ARHGAP24: variants seen among roughly 807,000 people sequenced by gnomAD.
ARHGAP24 encodes Rho GTPase activating protein 24, also known as rho GTPase-activating protein 24.
ARHGAP24 carries 50 observed loss-of-function variants against 76.4 expected under a neutral mutation model. The observed-to-expected ratio is 0.65, with a 90% CI of 0.52 to 0.83. The LOEUF is 0.83. Among genes scored for constraint, ARHGAP24 ranks in the 40% least tolerant of loss-of-function variants. ARHGAP24 has a pLI of 0.00. For missense variants in ARHGAP24, 930 were observed against 914.2 expected, an observed-to-expected ratio of 1.02 and a Z score of -0.22; for synonymous variants, 345 against 323.3, an observed-to-expected ratio of 1.07 and a Z score of -0.72.
intron 2 of ARHGAP24, among the ~76,000 whole-genome samples, chr4:85,699,800 A>G (rs1370453041): frequency 6.6e-6 from 1 of 152,134 alleles, no homozygotes; most frequent in Non-Finnish European, 1.5e-5. Context: ...TCTGTCTCCC[A>G]TTAAGTATAC....
intron 5 of ARHGAP24, 96 bp downstream of exon 5, chr4:85,942,369 G>C: frequency 1.5e-6 from 2 of 1,363,998 alleles, no homozygotes; most frequent in Admixed American, 3.5e-5. Context: ...TGATTGATGT[G>C]GTAACAGTTT....
intron 2 of ARHGAP24, among the ~76,000 whole-genome samples, chr4:85,668,637 A>G (rs1293237951): frequency 6.6e-6 from 1 of 152,164 alleles, no homozygotes; most frequent in South Asian, 2.1e-4. Context: ...TGTCCTTGCA[A>G]AGAGCCTGGC....
chr4:85,612,374 G>GTGAGCCTCAC (rs1560552518), intron 2 of ARHGAP24, among the ~76,000 whole-genome samples: 1 of 145,762 alleles, frequency 6.9e-6, no homozygotes, highest in Non-Finnish European at 1.5e-5. Flanking sequence ...AGTGAGCCGA[G>GTGAGCCTCAC]TGCACTCCAC....
intron 2 of ARHGAP24, among the ~76,000 whole-genome samples, chr4:85,677,080 A>G (rs555598879): frequency 6.6e-6 from 1 of 152,308 alleles, no homozygotes; most frequent in Admixed American, 6.5e-5. Context: ...CTTTTATACA[A>G]CAAGAAGCAT....
chr4:85,576,316 C>G (rs1218632902), intron 2 of ARHGAP24, among the ~76,000 whole-genome samples: 3 of 151,970 alleles, frequency 2.0e-5, no homozygotes, highest in Non-Finnish European at 4.4e-5. Flanking sequence ...TGTAGTACCA[C>G]CTACTCCGGA....
chr4:85,718,054 T>C (rs1324986754), intron 2 of ARHGAP24, among the ~76,000 whole-genome samples: 1 of 152,116 alleles, frequency 6.6e-6, no homozygotes, highest in Non-Finnish European at 1.5e-5. Flanking sequence ...AAACAAGCAG[T>C]GCATACTTTT....
intron 5 of ARHGAP24, among the ~76,000 whole-genome samples, chr4:85,964,931 A>G (rs1738488087): frequency 6.6e-6 from 1 of 152,088 alleles, no homozygotes; most frequent in Non-Finnish European, 1.5e-5. Context: ...TGTATATTAA[A>G]CTGTCAAATA....
intron 2 of ARHGAP24, among the ~76,000 whole-genome samples, chr4:85,587,251 T>G (rs73835233): frequency 0.023 from 3,534 of 152,268 alleles, 131 homozygotes; most frequent in African/African-American, 0.081. Flanking sequence ...AGAGGTAAAT[T>G]AATACAGAGA....
intron 3 of ARHGAP24, among the ~76,000 whole-genome samples, chr4:85,870,506 T>C (rs2110190185): frequency 6.6e-6 from 1 of 152,284 alleles, no homozygotes; most frequent in East Asian, 1.9e-4. Context: ...TATGACAGCT[T>C]TATGGTACAT....
At chr4:85,756,301 C>T (rs932714172) in intron 3 of ARHGAP24, among the ~76,000 whole-genome samples, 4 of 152,128 alleles carry the variant, frequency 2.6e-5, no homozygotes, top group African/African-American at 4.8e-5. Context: ...AGAAAGAATA[C>T]ATTTTTAGGA....
intron 2 of ARHGAP24, among the ~76,000 whole-genome samples, chr4:85,631,384 G>A (rs1721155134): frequency 6.6e-6 from 1 of 151,830 alleles, no homozygotes; most frequent in African/African-American, 2.4e-5. Flanking sequence ...GATAATGTTA[G>A]GTTTCTTAAT....
chr4:85,709,386 G>A (rs1361551495), intron 2 of ARHGAP24, among the ~76,000 whole-genome samples: 1 of 152,026 alleles, frequency 6.6e-6, no homozygotes, highest in African/African-American at 2.4e-5. Context: ...GATAAAAATA[G>A]TAATAATAAA....
At chr4:85,716,363 G>T (rs568151504) in intron 2 of ARHGAP24, among the ~76,000 whole-genome samples, 1 of 151,964 alleles carries the variant, frequency 6.6e-6, no homozygotes, top group Non-Finnish European at 1.5e-5. Flanking sequence ...AAAAGATTTT[G>T]TTTATCATAT....
intron 3 of ARHGAP24, among the ~76,000 whole-genome samples, chr4:85,888,169 A>C (rs1480516103): frequency 1.3e-5 from 2 of 152,082 alleles, no homozygotes; most frequent in Non-Finnish European, 2.9e-5. Context: ...TTGGGAGGCC[A>C]AGGCAGGTGG....
At chr4:85,929,099 G>A (rs910505598) in intron 4 of ARHGAP24, among the ~76,000 whole-genome samples, 5 of 152,172 alleles carry the variant, frequency 3.3e-5, no homozygotes, top group African/African-American at 7.2e-5. Context: ...TGTGATTACA[G>A]GAGTTCCCTG....
chr4:85,821,747 T>C (rs1244928741), intron 3 of ARHGAP24, among the ~76,000 whole-genome samples: 1 of 152,108 alleles, frequency 6.6e-6, no homozygotes, highest in African/African-American at 2.4e-5. Context: ...TCAACCAAGA[T>C]GAGATTTAGA....
intron 1 of ARHGAP24, among the ~76,000 whole-genome samples, chr4:85,478,349 G>A (rs143563666): frequency 7.9e-4 from 120 of 152,284 alleles, no homozygotes; most frequent in African/African-American, 2.6e-3. Flanking sequence ...ATCGAGTCTC[G>A]CAATGGTAAC....
chr4:85,925,467 C>T (rs982543915), intron 4 of ARHGAP24, among the ~76,000 whole-genome samples: 2 of 151,748 alleles, frequency 1.3e-5, no homozygotes, highest in African/African-American at 4.8e-5. Flanking sequence ...GTTTCACTTA[C>T]GTGAAAAGGT....
intron 3 of ARHGAP24, among the ~76,000 whole-genome samples, chr4:85,782,271 C>A (rs137859517): frequency 3.3e-4 from 50 of 152,140 alleles, no homozygotes; most frequent in Non-Finnish European, 6.3e-4. Context: ...CGTGTTCATA[C>A]CTAAATAGGA....
Sources: gnomAD v4.1 joint callset for allele counts (sites outside exome capture counted in the v4.1 genomes callset) on GRCh38, gnomAD v4.1.1 for gene constraint, MANE v1.5 for transcripts, NCBI Gene and HGNC (gene_info 2026-07-23, HGNC 2026-07-21) for gene names.